MYO6: variants seen among roughly 807,000 people sequenced by gnomAD.
MYO6 encodes unconventional myosin-VI.
Under a neutral mutation model 178.7 loss-of-function variants are expected in MYO6, and 74 were observed. That is an observed-to-expected ratio of 0.41 (90% confidence interval 0.34 to 0.50). The LOEUF is 0.50. MYO6 is among the 20% of genes least tolerant of loss of function. The pLI, the probability that MYO6 is intolerant of heterozygous loss-of-function variation, is 0.09. For missense variants in MYO6, 1,330 were observed against 1,547.4 expected (o/e 0.86, Z 2.36); for synonymous variants, 477 against 504.6 (o/e 0.95, Z 0.73).
At chr6:75,871,956 G>A (rs1018312015) in intron 19 of MYO6, among the ~76,000 whole-genome samples, 1 of 151,706 alleles carries the variant, frequency 6.6e-6, no homozygotes, top group Admixed American at 6.6e-5. Flanking sequence ...GTGAAACCTC[G>A]TCTCTGCTAA....
intron 4 of MYO6, 94 bp from the exon 5 acceptor site, chr6:75,830,321 GA>G: frequency 8.3e-7 from 1 of 1,208,502 alleles, no homozygotes; most frequent in Non-Finnish European, 1.2e-6. Flanking sequence ...ATAGATAATT[GA>G]AATTTTTTGT....
chr6:75,757,190 A>G (rs1048635221), intron 1 of MYO6, among the ~76,000 whole-genome samples: 31 of 147,700 alleles, frequency 2.1e-4, no homozygotes, highest in African/African-American at 7.4e-4. Flanking sequence ...ATACACACAT[A>G]TATTGTGTAT....
intron 1 of MYO6, among the ~76,000 whole-genome samples, chr6:75,785,610 C>G (rs1427278149): frequency 6.6e-6 from 1 of 151,320 alleles, no homozygotes; most frequent in African/African-American, 2.4e-5. Flanking sequence ...TAGGCACGTG[C>G]TACCACTGCC....
chr6:75,751,000 C>T (rs752307649), intron 1 of MYO6, among the ~76,000 whole-genome samples: 12 of 152,160 alleles, frequency 7.9e-5, no homozygotes, highest in Non-Finnish European at 1.6e-4. Flanking sequence ...CATTTCTGTA[C>T]AAATTAACTG....
Position 75,881,808 on chromosome 6 carries a change from A to G in MYO6, c.2406A>G (p.Ser802=). 6.2e-7 allele frequency: 1 copy of G among 1,613,762 alleles called. No homozygotes were observed. Among genetic ancestry groups the G allele is most frequent in the Non-Finnish European group, 8.5e-7 (1 of 1,179,756 alleles). The change falls in exon 23 of 35, where the codon TCA becomes TCG. Residue 802 remains serine (S), a synonymous_variant. Transcript: ENST00000369977. ...RWKKVQWCSL[S]VIKLKNKIKY... is the part of the protein sequence containing the mutation. The stretch of plus-strand genomic sequence containing the variant: ...AGAAAGTTCAGTGGTGCTCACTCTC[A>G]GTCATCAAATGTAGGTGTTTTCCTT...
At chr6:75,807,168 A>G (rs1304243412) in intron 1 of MYO6, among the ~76,000 whole-genome samples, 1 of 152,190 alleles carries the variant, frequency 6.6e-6, no homozygotes, top group African/African-American at 2.4e-5. Context: ...TTATTTACTT[A>G]CTGCTTTGAG....
At chr6:75,839,672 A>G (rs1474005476) in intron 7 of MYO6, among the ~76,000 whole-genome samples, 1 of 152,148 alleles carries the variant, frequency 6.6e-6, no homozygotes, top group Non-Finnish European at 1.5e-5. Context: ...CAGTCATGAT[A>G]TGTGTATAGG....
intron 1 of MYO6, among the ~76,000 whole-genome samples, chr6:75,812,450 A>G (rs1423629317): frequency 6.6e-6 from 1 of 152,162 alleles, no homozygotes; most frequent in Non-Finnish European, 1.5e-5. Context: ...CTTTCTTTGT[A>G]CCACAACGAT....
At chr6:75,868,307 C>CT (rs991020952) in intron 18 of MYO6, among the ~76,000 whole-genome samples, 2 of 151,422 alleles carry the variant, frequency 1.3e-5, no homozygotes, top group South Asian at 2.1e-4. Context: ...AGTGAACAAT[C>CT]TTTTTTTTAT....
chr6:75,759,065 T>C (rs1777727026), intron 1 of MYO6, among the ~76,000 whole-genome samples: 1 of 151,990 alleles, frequency 6.6e-6, no homozygotes, highest in Non-Finnish European at 1.5e-5. Flanking sequence ...AGACGGGGTT[T>C]CACCATGTTG....
At chr6:75,898,558 C>G in intron 30 of MYO6, 147 bp downstream of exon 30, 1 of 712,634 alleles carries the variant, frequency 1.4e-6, no homozygotes, top group Non-Finnish European at 2.4e-6. Flanking sequence ...AGAAATATCA[C>G]TTCTCCCTCA....
At chr6:75,906,798 A>C (rs945948552) in intron 30 of MYO6, among the ~76,000 whole-genome samples, 2 of 152,188 alleles carry the variant, frequency 1.3e-5, no homozygotes, top group Admixed American at 1.3e-4. Flanking sequence ...TTTGGATTTT[A>C]TTTCTTTCCT....
intron 1 of MYO6, among the ~76,000 whole-genome samples, chr6:75,788,258 G>T (rs994618935): frequency 1.2e-4 from 18 of 151,972 alleles, no homozygotes; most frequent in African/African-American, 4.4e-4. Flanking sequence ...CAGCTACTTG[G>T]AAGGCTGAGG....
chr6:75,760,044 A>G (rs964932484), intron 1 of MYO6, among the ~76,000 whole-genome samples: 11 of 152,178 alleles, frequency 7.2e-5, no homozygotes, highest in African/African-American at 2.2e-4. Context: ...TCTGGAATTT[A>G]TACTTGTATT....
chr6:75,824,830 G>A (rs1270541865), intron 3 of MYO6, among the ~76,000 whole-genome samples: 2 of 150,538 alleles, frequency 1.3e-5, no homozygotes, highest in African/African-American at 4.9e-5. Flanking sequence ...TGTGATCTCA[G>A]CTCACTGCAA....
At chr6:75,812,431 G>C (rs1306944402) in intron 1 of MYO6, among the ~76,000 whole-genome samples, 3 of 152,032 alleles carry the variant, frequency 2.0e-5, no homozygotes, top group Non-Finnish European at 4.4e-5. Context: ...AGCAACTCAA[G>C]GATTTATTCT....
chr6:75,857,813 G>A (rs1358623399), intron 13 of MYO6, among the ~76,000 whole-genome samples: 1 of 152,212 alleles, frequency 6.6e-6, no homozygotes, highest in Non-Finnish European at 1.5e-5. Flanking sequence ...TGGGTCACCA[G>A]CATGTGAATG....
chr6:75,811,027 T>A (rs1460498907), intron 1 of MYO6, among the ~76,000 whole-genome samples: 7 of 151,976 alleles, frequency 4.6e-5, no homozygotes, highest in Non-Finnish European at 1.0e-4. Context: ...TTGTTTTTTT[T>A]TTGGCATACC....
intron 1 of MYO6, among the ~76,000 whole-genome samples, chr6:75,750,334 A>G (rs1014362814): frequency 2.6e-5 from 4 of 151,918 alleles, no homozygotes; most frequent in Non-Finnish European, 5.9e-5. Flanking sequence ...TGACCTCTTG[A>G]TCCATCCGCC....
Sources: allele counts gnomAD v4.1 joint callset (sites outside exome capture counted in the v4.1 genomes callset), GRCh38; gene constraint gnomAD v4.1.1; transcripts MANE v1.5; gene names NCBI Gene and HGNC (gene_info 2026-07-23, HGNC 2026-07-21).